The following FAM161B variants were observed in gnomAD, a reference collection of about 807,000 sequenced individuals.
FAM161B encodes protein FAM161B.
FAM161B carries 46 observed loss-of-function variants against 61.5 expected under a neutral mutation model. The ratio of observed to expected loss-of-function variants is 0.75; its 90% CI spans 0.59 to 0.96. FAM161B has a LOEUF of 0.96. FAM161B is among the 40% of genes least tolerant of loss of function. The probability of loss-of-function intolerance (pLI) is 0.00; values close to 1 mark genes in which losing one functional copy is unlikely to be tolerated. For missense variants in FAM161B, 774 were observed against 800.7 expected (o/e 0.97, Z 0.40); for synonymous variants, 284 against 302.7 (o/e 0.94, Z 0.64).
chr14:73,937,975 A>G lies in FAM161B; in HGVS notation c.1538T>C (p.Val513Ala). ...AMDPHKSLEE[V>A]FKAKLKENRN... is the part of the protein sequence containing the mutation. ...GTTCTCTTTCAGCTTTGCTTTGAAC[A>G]CTTCCTCCAGGCTTTTATGGGGATC... is the stretch of plus-strand genomic sequence containing the variant. Residue 513 changes from valine to alanine, a missense_variant, in exon 6 of 9, where the codon GTG (valine) becomes GCG (alanine). Physicochemically the swap from Val to Ala is moderately conservative, Grantham distance 64. Coordinates refer to ENST00000286544, the MANE Select transcript of FAM161B (RefSeq NM_152445.3). 13 of 1,614,198 alleles carry G rather than the reference A, an allele frequency of 8.1e-6. No homozygotes were observed. The highest frequency in any genetic ancestry group is 1.1e-5 in the Non-Finnish European group (13 of 1,180,036).
At chr14:73,930,128 T>C (rs1472904225), downstream of FAM161B, among the ~76,000 whole-genome samples, 1 of 152,206 alleles carries the variant, frequency 6.6e-6, no homozygotes, top group Non-Finnish European at 1.5e-5. Context: ...AAATAGAAAT[T>C]ACAAATTCTA....
At chr14:73,927,843 TTTTTTAA>T (rs1484023318), downstream of FAM161B, 3 of 153,694 alleles carry the variant, frequency 2.0e-5, no homozygotes, top group South Asian at 5.8e-4. Flanking sequence ...TTTTTTTTTT[TTTTTTAA>T]TTTTTTAGAC....
At chr14:73,941,116 T>G (rs1331982607) in intron 4 of FAM161B, 63 bp from the exon 5 acceptor site, 1 of 1,476,156 alleles carries the variant, frequency 6.8e-7, no homozygotes, top group East Asian at 2.5e-5. Context: ...ATCTTTTTTT[T>G]TTTTTTTTTT....
In FAM161B at chr14:73,942,425, C is replaced by T. The variant is rs768413531; in HGVS notation, c.1216G>A (p.Ala406Thr). The change falls in exon 4 of 9, where the codon GCC becomes ACC. Residue 406 changes from alanine (A) to threonine (T), a missense_variant. Physicochemically the swap from Ala to Thr is moderately conservative, Grantham distance 58. Coordinates refer to ENST00000286544, the MANE Select transcript of FAM161B (RefSeq NM_152445.3). ...TRNKPFLLRT[A>T]NLRHPQRPCD... ...GGCCGCTGAGGGTGGCGCAGGTTGG[C>T]GGTCCTCAGCAAGAAGGGCTTGTTG... 16 of 1,614,026 alleles carry T rather than the reference C, an allele frequency of 9.9e-6. No individual in the cohort carries two copies. The highest frequency in any genetic ancestry group is 5.3e-5 in the African/African-American group (4 of 74,916).
chr14:73,943,715 C>T (rs2056038649), intron 3 of FAM161B, among the ~76,000 whole-genome samples: 2 of 152,190 alleles, frequency 1.3e-5, no homozygotes, highest in Non-Finnish European at 2.9e-5. Context: ...ATATATGCTC[C>T]CATGCTTCCC....
intron 3 of FAM161B, 41 bp from the exon 4 acceptor site, chr14:73,942,756 A>C (rs1257556514): frequency 6.4e-7 from 1 of 1,567,020 alleles, no homozygotes; most frequent in Non-Finnish European, 8.7e-7. Context: ...AGGACCAAGC[A>C]AGAAACCTAC....
chr14:73,923,551 G>A, the FAM161B span: 3 of 1,599,958 alleles, frequency 1.9e-6, no homozygotes, highest in African/African-American at 4.0e-5. Flanking sequence ...CTTTGTTTCT[G>A]TGACAATTCA....
chr14:73,949,439 C>T (rs2056105461), intron 1 of FAM161B, among the ~76,000 whole-genome samples: 2 of 151,794 alleles, frequency 1.3e-5, no homozygotes, highest in South Asian at 4.2e-4. Flanking sequence ...AGCCTGGTCT[C>T]GATCTCTTGA....
chr14:73,929,382 C>T (rs1376096707), downstream of FAM161B, among the ~76,000 whole-genome samples: 3 of 152,196 alleles, frequency 2.0e-5, no homozygotes, highest in Non-Finnish European at 4.4e-5. Context: ...TAAGAACTTT[C>T]AGGTGCCAGA....
At chr14:73,937,894 T>C (rs559442359) in intron 6 of FAM161B, 54 bp downstream of exon 6, 8 of 1,605,766 alleles carry the variant, frequency 5.0e-6, no homozygotes, top group South Asian at 1.1e-5. Context: ...AATAGGCCAG[T>C]GGTCTGTTGG....
At position 73,933,789 on chromosome 14, in the gene FAM161B, A is replaced by G. The variant is rs17094076; in HGVS notation, c.*467T>C. 0.15 allele frequency: 23,529 copies of G among 152,542 alleles called. 2,394 individuals carry two copies. Among genetic ancestry groups the G allele is most frequent in the East Asian group, 0.49 (2,537 of 5,160 alleles). The allele number at this position is 152,542 out of a possible 1,614,324, so 9.4% of individuals were successfully genotyped here. On this transcript the variant is annotated 3_prime_UTR_variant, in exon 9 of 9. Transcript: ENST00000286544. ...ACCATCCCTCCACCTGAGCCTCCCCACTTTGATTTCCTTGAACTATTCTCT... is the reference window on the plus strand; with the variant it reads ...ACCATCCCTCCACCTGAGCCTCCCCGCTTTGATTTCCTTGAACTATTCTCT...
chr14:73,924,657 T>G, the FAM161B span: 2 of 445,472 alleles, frequency 4.5e-6, no homozygotes, highest in Non-Finnish European at 8.9e-6. Context: ...TATGGTGCTC[T>G]TCCGTCTTTT....
intron 3 of FAM161B, 51 bp from the exon 4 acceptor site, chr14:73,942,766 C>T (rs1458802508): frequency 2.0e-6 from 3 of 1,533,570 alleles, no homozygotes; most frequent in South Asian, 2.4e-5. Flanking sequence ...AAGAAACCTA[C>T]AGGGTTGGAG....
chr14:73,937,732 T>C (rs201059380), intron 6 of FAM161B, 31 bp from the exon 7 acceptor site: 1 of 1,604,638 alleles, frequency 6.2e-7, no homozygotes, highest in East Asian at 2.2e-5. Flanking sequence ...AGAAAGAATT[T>C]CATCTTTTCT....
downstream of FAM161B, among the ~76,000 whole-genome samples, chr14:73,930,724 T>C (rs566957638): frequency 2.0e-5 from 3 of 152,224 alleles, no homozygotes; most frequent in South Asian, 6.2e-4. Context: ...TCCCTCAGCC[T>C]CCCAAGTAGC....
chr14:73,926,837 A>G (rs2055840382), downstream of FAM161B, among the ~76,000 whole-genome samples: 1 of 152,176 alleles, frequency 6.6e-6, no homozygotes, highest in Admixed American at 6.5e-5. Flanking sequence ...ATTTCCTAAA[A>G]ACTGGTAGTT....
chr14:73,949,308 T>C (rs1224210443), intron 1 of FAM161B, among the ~76,000 whole-genome samples: 1 of 152,162 alleles, frequency 6.6e-6, no homozygotes, highest in East Asian at 1.9e-4. Flanking sequence ...TTTCTCCATG[T>C]TGGTCAGGCT....
At chr14:73,927,422 A>G (rs771720357), downstream of FAM161B, among the ~76,000 whole-genome samples, 171 of 152,132 alleles carry the variant, frequency 1.1e-3, no homozygotes, top group Admixed American at 4.5e-3. Context: ...CTCATCAACC[A>G]TAGGGTTGCC....
intron 8 of FAM161B, 127 bp downstream of exon 8, chr14:73,935,822 T>C (rs1594774994): frequency 1.9e-6 from 2 of 1,053,836 alleles, no homozygotes; most frequent in Admixed American, 3.3e-5. Context: ...GGATTACTTA[T>C]TAATGTTACA....
Sources: gnomAD v4.1 joint callset for allele counts (sites outside exome capture counted in the v4.1 genomes callset) on GRCh38, gnomAD v4.1.1 for gene constraint, MANE v1.5 for transcripts, NCBI Gene and HGNC (gene_info 2026-07-23, HGNC 2026-07-21) for gene names.